Variants in FOXI3 observed in about 807,000 individuals in gnomAD.
The protein encoded by FOXI3 is forkhead box protein I3.
FOXI3 carries 4 observed loss-of-function variants against 15.6 expected under a neutral mutation model. The ratio of observed to expected loss-of-function variants is 0.26; its 90% CI spans 0.13 to 0.59. FOXI3 has a LOEUF of 0.59. Ranked by LOEUF, FOXI3 falls within the 20% of genes least tolerant of loss-of-function variation. The pLI, the probability that FOXI3 is intolerant of heterozygous loss-of-function variation, is 0.90. For synonymous variants in FOXI3, 238 were observed against 244.4 expected, an observed-to-expected ratio of 0.97 and a Z score of 0.25; for missense variants, 489 against 548.2, an observed-to-expected ratio of 0.89 and a Z score of 1.08.
In FOXI3 at chr2:88,448,444, G is replaced by A. The variant is rs200890046; in HGVS notation, c.1026C>T (p.Ile342=). The A allele has an allele frequency of 1.3e-3, 1,998 of 1,551,670 alleles. 9 individuals carry two copies. Among genetic ancestry groups the A allele is most frequent in the Non-Finnish European group, 1.1e-3 (1,257 of 1,146,988 alleles). ...CGCTGGAGGGCAGCTGGGCCCCCTGGATCCCTAGGTGGCGGCTGCCAGGGA... is the reference window on the plus strand; with the variant it reads ...CGCTGGAGGGCAGCTGGGCCCCCTGAATCCCTAGGTGGCGGCTGCCAGGGA... The part of the protein sequence containing the change: ...RALPGSRHLG[I]QGAQLPSSGV... Residue 342 remains isoleucine, a synonymous_variant, in exon 2 of 2, where the codon ATC becomes ATT. Transcript: ENST00000428390.
At chr2:88,451,344 C>T (rs1041703826) in intron 1 of FOXI3, among the ~76,000 whole-genome samples, 10 of 152,298 alleles carry the variant, frequency 6.6e-5, no homozygotes, top group Admixed American at 3.3e-4. Flanking sequence ...TCCCAGACCC[C>T]CGTCTCATGA....
In FOXI3 at chr2:88,452,280, C is replaced by T. The variant is rs1469015290; in HGVS notation, c.256G>A (p.Gly86Arg). 65 of 982,836 alleles carry T rather than the reference C, an allele frequency of 6.6e-5. No individual in the cohort carries two copies. The South Asian group carries it at 1.3e-3, about 20-fold the overall frequency. The allele number at this position is 982,836 out of a possible 1,614,324, so 60.9% of individuals were successfully genotyped here. ...LGAPPPPPPPGAAAGPFLQPP... is the reference protein window; with the variant it reads ...LGAPPPPPPPRAAAGPFLQPP... The stretch of plus-strand genomic sequence containing the variant: ...TGCAGAAAGGGCCCGGCCGCGGCCC[C>T]GGGGGGCGGCGGCGGCGGCGGAGCG... The change falls in exon 1 of 2, where the codon GGG becomes AGG. Residue 86 changes from glycine (G) to arginine (R), a missense_variant. Around this residue, in one of 3 missense-constraint regions of FOXI3, gnomAD observed 224 missense variants for 245.7 expected, o/e 0.91. Transcript: ENST00000428390.
intron 1 of FOXI3, among the ~76,000 whole-genome samples, chr2:88,449,325 C>T (rs1266129533): frequency 2.0e-5 from 3 of 152,062 alleles, no homozygotes; most frequent in African/African-American, 7.2e-5. Flanking sequence ...ACTATTTCAG[C>T]ATAGTAGCTG....
chr2:88,451,939 G>C lies in FOXI3; in HGVS notation c.597C>G (p.Leu199=). The C allele has an allele frequency of 6.2e-7, 1 of 1,613,926 alleles. No individual in the cohort carries two copies. The highest frequency in any genetic ancestry group is 1.7e-5 in the Admixed American group (1 of 59,998). The stretch of plus-strand genomic sequence containing the variant: ...GGGGCACCTTCTTGAAGCAGTCGTT[G>C]AGCGACAGGTTGTGGCGGATGGAGT... ...WQNSIRHNLS[L]NDCFKKVPRD... Residue 199 remains leucine (L), a synonymous_variant, in exon 1 of 2, where the codon CTC becomes CTG. Coordinates refer to ENST00000428390, the MANE Select transcript of FOXI3 (RefSeq NM_001135649.3).
In FOXI3 at chr2:88,451,993, G is replaced by A; in HGVS notation, c.543C>T (p.Phe181=). 6.2e-7 allele frequency: 1 copy of A among 1,612,122 alleles called. No homozygotes were observed. The highest frequency in any genetic ancestry group is 8.5e-7 in the Non-Finnish European group (1 of 1,179,112). Residue 181 remains phenylalanine, a synonymous_variant, in exon 1 of 2, where the codon TTC becomes TTT. Coordinates refer to ENST00000428390, the MANE Select transcript of FOXI3 (RefSeq NM_001135649.3). ...GCCAGCCGGCCTTGCTGCGCTGGTA[G>A]AAGGGGAAGCTATCGGCGACGAACT... ...IYQFVADSFP[F]YQRSKAGWQN...
Position 88,448,592 on chromosome 2 carries a change from C to T in FOXI3, c.878G>A (p.Gly293Asp), listed in dbSNP as rs1329761529. ...AGGAGATGAGGCAGTACTCTTGGTG[C>T]CCTCCGGAGGCTCTGGGGAGTGGGA... ...RPSHSPEPPEGTKSTASSPGG... is the reference protein window; with the variant it reads ...RPSHSPEPPEDTKSTASSPGG... Residue 293 changes from glycine to aspartate, a missense_variant, in exon 2 of 2, where the codon GGC (glycine) becomes GAC (aspartate). Physicochemically the swap from Gly to Asp is moderately conservative, Grantham distance 94. Around this residue, in one of 3 missense-constraint regions of FOXI3, gnomAD observed 263 missense variants for 285.5 expected, o/e 0.92. Transcript: ENST00000428390. 1 of 1,551,416 alleles carries T rather than the reference C, an allele frequency of 6.4e-7. No homozygotes were observed. The highest frequency in any genetic ancestry group is 8.7e-7 in the Non-Finnish European group (1 of 1,146,998).
At position 88,451,932 on chromosome 2, in the gene FOXI3, A is replaced by T; in HGVS notation, c.604T>A (p.Cys202Ser). Residue 202 changes from cysteine (C) to serine (S), a missense_variant, in exon 1 of 2, where the codon TGC becomes AGC. Cys to Ser is a moderately radical substitution (Grantham distance 112). Coordinates refer to ENST00000428390, the MANE Select transcript of FOXI3 (RefSeq NM_001135649.3). ...SIRHNLSLND[C>S]FKKVPRDEDD... Reference sequence around the variant, plus strand: ...TCGTCGCGGGGCACCTTCTTGAAGCAGTCGTTGAGCGACAGGTTGTGGCGG... The same window carrying T: ...TCGTCGCGGGGCACCTTCTTGAAGCTGTCGTTGAGCGACAGGTTGTGGCGG... 6.2e-7 allele frequency: 1 copy of T among 1,613,880 alleles called. No homozygotes were observed. Among genetic ancestry groups the T allele is most frequent in the Non-Finnish European group, 8.5e-7 (1 of 1,179,884 alleles).
In FOXI3 at chr2:88,449,352, G is replaced by A. The variant is rs187252309; in HGVS notation, c.641-523C>T. On this transcript the variant is annotated intron_variant, in intron 1 of 1. Transcript: ENST00000428390. ...TAGTAGCTGGCACAGAGTAAGCAGT[G>A]CAAAAACAGCACTTAACAATTATTA... is the stretch of plus-strand genomic sequence containing the variant. Among the ~76,000 whole-genome samples the A allele has an allele frequency of 1.8e-3, 275 of 152,262 alleles. 1 individual carries two copies. The highest frequency in any genetic ancestry group is 6.4e-3 in the African/African-American group (267 of 41,544).
chr2:88,452,665 G>T lies in FOXI3; in HGVS notation c.-130C>A. The T allele has an allele frequency of 2.1e-6, 1 of 466,872 alleles. No homozygotes were observed. Among genetic ancestry groups the T allele is most frequent in the Non-Finnish European group, 2.9e-6 (1 of 343,940 alleles). 28.9% of individuals were successfully genotyped at this position (466,872 alleles called of 1,614,324 possible). ...CGCCTTCACCCGCGCTGGGCGCCCG[G>T]TGCTCCGGGCCGGGGTCGGGCGGGT... On this transcript the variant is annotated 5_prime_UTR_variant, in exon 1 of 2. Transcript: ENST00000428390.
Position 88,448,170 on chromosome 2 carries a change from C to T in FOXI3, c.*37G>A, listed in dbSNP as rs762840219. ...CTGCATTCTAATCAGCATGTGTGCA[C>T]GCCTCAGGTGTGCATACTCAAGTCT... On this transcript the variant is annotated 3_prime_UTR_variant, in exon 2 of 2. Transcript: ENST00000428390. 1.8e-5 allele frequency: 27 copies of T among 1,525,004 alleles called. No individual in the cohort carries two copies. In the African/African-American group the frequency reaches 1.8e-4, roughly 10 times the overall value. 94.5% of individuals were successfully genotyped at this position (1,525,004 alleles called of 1,614,324 possible).
At chr2:88,451,325 G>A (rs1038978407) in intron 1 of FOXI3, among the ~76,000 whole-genome samples, 7 of 152,166 alleles carry the variant, frequency 4.6e-5, no homozygotes, top group African/African-American at 1.7e-4. Context: ...TCTGCTTAAA[G>A]TTCTCCCATC....
Position 88,448,192 on chromosome 2 carries a change from G to A in FOXI3, c.*15C>T. 6.5e-7 allele frequency: 1 copy of A among 1,548,862 alleles called. No homozygotes were observed. The highest frequency in any genetic ancestry group is 8.7e-7 in the Non-Finnish European group (1 of 1,145,420). ...GCACGCCTCAGGTGTGCATACTCAAGTCTGAGAGTCTGCTCTACACCTCGG... is the reference window on the plus strand; with the variant it reads ...GCACGCCTCAGGTGTGCATACTCAAATCTGAGAGTCTGCTCTACACCTCGG... On this transcript the variant is annotated 3_prime_UTR_variant, in exon 2 of 2. Transcript: ENST00000428390.
Position 88,452,251 on chromosome 2 carries a change from T to A in FOXI3, c.285A>T (p.Pro95=). The stretch of plus-strand genomic sequence containing the variant: ...AGCCGAAGGTGCCGGCGGCAGGCGG[T>A]GGCTGCAGAAAGGGCCCGGCCGCGG... The part of the protein sequence containing the change: ...PGAAAGPFLQ[P]PPAAGTFGCS... Residue 95 remains proline, a synonymous_variant, in exon 1 of 2, where the codon CCA becomes CCT. Coordinates refer to ENST00000428390, the MANE Select transcript of FOXI3 (RefSeq NM_001135649.3). 2.9e-6 allele frequency: 3 copies of A among 1,032,850 alleles called. No homozygotes were observed. Among genetic ancestry groups the A allele is most frequent in the Non-Finnish European group, 3.5e-6 (3 of 864,540 alleles). The allele number at this position is 1,032,850 out of a possible 1,614,324, so 64.0% of individuals were successfully genotyped here.
rs1271863933 is a variant in FOXI3 at position 88,452,153 on chromosome 2, T to A, written c.383A>T (p.Glu128Val). The A allele has an allele frequency of 7.0e-7, 1 of 1,419,058 alleles. No individual in the cohort carries two copies. Among genetic ancestry groups the A allele is most frequent in the Non-Finnish European group, 9.2e-7 (1 of 1,084,200 alleles). 87.9% of individuals were successfully genotyped at this position (1,419,058 alleles called of 1,614,324 possible). A position where few individuals can be genotyped will look rare whatever the true frequency, so the allele number is the denominator to read the frequency against. The change falls in exon 1 of 2, where the codon GAG (glutamate) becomes GTG (valine). Residue 128 changes from glutamate to valine, a missense_variant. Physicochemically the swap from Glu to Val is moderately radical, Grantham distance 121. Around this residue, in one of 3 missense-constraint regions of FOXI3, gnomAD observed 224 missense variants for 245.7 expected, o/e 0.91. Transcript: ENST00000428390. ...ASPAAPAGPG[E>V]LGWLSMASRE... Reference sequence around the variant, plus strand: ...GCTGGCCATGGACAGCCAGCCCAGCTCCCCGGGCCCCGCGGGCGCGGCGGG... The same window carrying A: ...GCTGGCCATGGACAGCCAGCCCAGCACCCCGGGCCCCGCGGGCGCGGCGGG...
rs1239891284 is a variant in FOXI3 at position 88,448,195 on chromosome 2, TGA to T, written c.*10_*11del. On this transcript the variant is annotated 3_prime_UTR_variant, in exon 2 of 2. Transcript: ENST00000428390. ...CGCCTCAGGTGTGCATACTCAAGTCTGAGAGTCTGCTCTACACCTCGGAGCCC... is the reference window on the plus strand; with the variant it reads ...CGCCTCAGGTGTGCATACTCAAGTCTGAGTCTGCTCTACACCTCGGAGCCC... 1 of 1,549,292 alleles carries T rather than the reference TGA, an allele frequency of 6.5e-7. No homozygotes were observed. Among genetic ancestry groups the T allele is most frequent in the East Asian group, 2.4e-5 (1 of 40,886 alleles).
At chr2:88,451,276 A>G (rs1664500263) in intron 1 of FOXI3, among the ~76,000 whole-genome samples, 1 of 152,204 alleles carries the variant, frequency 6.6e-6, no homozygotes, top group Non-Finnish European at 1.5e-5. Context: ...CTAAATTTCT[A>G]ACTAGTTAAG....
Position 88,448,719 on chromosome 2 carries a change from C to G in FOXI3, c.751G>C (p.Ala251Pro). The G allele has an allele frequency of 6.4e-7, 1 of 1,551,958 alleles. No individual in the cohort carries two copies. Among genetic ancestry groups the G allele is most frequent in the Non-Finnish European group, 8.7e-7 (1 of 1,147,062 alleles). Residue 251 changes from alanine to proline, a missense_variant, in exon 2 of 2, where the codon GCT (alanine) becomes CCT (proline). Physicochemically the swap from Ala to Pro is conservative, Grantham distance 27. Coordinates refer to ENST00000428390, the MANE Select transcript of FOXI3 (RefSeq NM_001135649.3). ...RSEASNGSTV[A>P]AGTSKSEEGL... ...TCTTCGGACTTTGATGTCCCAGCAG[C>G]CACTGTGGAGCCATTGCTGGCCTCA...
In FOXI3 at chr2:88,452,445, G is replaced by T; in HGVS notation, c.91C>A (p.Pro31Thr). 9.5e-7 allele frequency: 1 copy of T among 1,047,762 alleles called. No homozygotes were observed. Among genetic ancestry groups the T allele is most frequent in the Non-Finnish European group, 1.1e-6 (1 of 872,266 alleles). The allele number at this position is 1,047,762 out of a possible 1,614,324, so 64.9% of individuals were successfully genotyped here. The change falls in exon 1 of 2, where the codon CCG (proline) becomes ACG (threonine). Residue 31 changes from proline (P) to threonine (T), a missense_variant. Physicochemically the swap from Pro to Thr is conservative, Grantham distance 38. Around this residue, in one of 3 missense-constraint regions of FOXI3, gnomAD observed 224 missense variants for 245.7 expected, o/e 0.91. Coordinates refer to ENST00000428390, the MANE Select transcript of FOXI3 (RefSeq NM_001135649.3). ...AATAAAPGAP[P>T]AARAPYGLAD... is the part of the protein sequence containing the mutation. ...AGCCCGTAAGGCGCCCTGGCTGCCG[G>T]GGGGGCGCCCGGGGCGGCGGCGGTG...
rs565272604 is a variant in FOXI3 at position 88,450,166 on chromosome 2, C to G, written c.641-1337G>C. ...TCAGCATTCTTGCTGGGCGCTGGCT[C>G]ACGCCTATAATCCTAGCACTTTGGG... On this transcript the variant is annotated intron_variant, in intron 1 of 1. Coordinates refer to ENST00000428390, the MANE Select transcript of FOXI3 (RefSeq NM_001135649.3). 1.5e-4 allele frequency among the ~76,000 whole-genome samples: 23 copies of G among 152,238 alleles called. 1 individual carries two copies. In the East Asian group the frequency reaches 3.1e-3, roughly 20 times the overall value.
Sources: allele counts gnomAD v4.1 joint callset (sites outside exome capture counted in the v4.1 genomes callset), GRCh38; gene constraint gnomAD v4.1.1; regional missense constraint gnomAD v4.1.1; transcripts MANE v1.5; gene names NCBI Gene and HGNC (gene_info 2026-07-23, HGNC 2026-07-21).